IL10RA: variants seen among roughly 807,000 people sequenced by gnomAD.
IL10RA encodes the protein interleukin 10 receptor subunit alpha.
Under a neutral mutation model 29.6 loss-of-function variants are expected in IL10RA, and 18 were observed. The ratio of observed to expected loss-of-function variants is 0.61; its 90% CI spans 0.42 to 0.90. IL10RA has a LOEUF of 0.90. IL10RA is among the 40% of genes least tolerant of loss of function. The pLI is 0.00. For synonymous variants in IL10RA, 292 were observed against 294.1 expected, an observed-to-expected ratio of 0.99 and a Z score of 0.07; for missense variants, 634 against 716.6, an observed-to-expected ratio of 0.88 and a Z score of 1.32.
intron 1 of IL10RA, chr11:117,987,466 A>G (rs2057993750): frequency 6.4e-6 from 1 of 156,348 alleles, no homozygotes; most frequent in African/African-American, 2.4e-5. Context: ...TAGAGAAGTT[A>G]GAACACTAGG....
chr11:117,992,990 T>C (rs2058033237), intron 3 of IL10RA: 1 of 517,220 alleles, frequency 1.9e-6, no homozygotes, highest in Non-Finnish European at 3.5e-6. Flanking sequence ...TTGTTGAAAA[T>C]CAATTGTGGG....
chr11:118,002,333 A>C (rs2512148), downstream of IL10RA: 111,623 of 152,196 alleles, frequency 0.73, 41,455 homozygotes, highest in East Asian at 0.99. Context: ...TGCCTCACCC[A>C]GTTCATTCTG....
At position 117,999,599 on chromosome 11, in the gene IL10RA, G is replaced by T. The variant is rs2058080573; in HGVS notation, c.1695G>T (p.Leu565=). Residue 565 remains leucine (L), a synonymous_variant, in exon 7 of 7, where the codon CTG becomes CTT. Transcript: ENST00000227752. Reference sequence around the variant, plus strand: ...TCCTGGGCAGCTTTAACTCAGACCTGGTCACCCTGCCCCTCATCTCTAGCC... The same window carrying T: ...TCCTGGGCAGCTTTAACTCAGACCTTGTCACCCTGCCCCTCATCTCTAGCC... ...GGLLGSFNSD[L]VTLPLISSLQ... is the part of the protein sequence containing the mutation. The T allele has an allele frequency of 1.9e-6, 3 of 1,614,152 alleles. No homozygotes were observed. The highest frequency in any genetic ancestry group is 2.5e-6 in the Non-Finnish European group (3 of 1,180,018).
rs745901602 is a variant in IL10RA at position 117,995,558 on chromosome 11, A to G, written c.689-31A>G. On this transcript the variant is annotated intron_variant, in intron 5 of 6. Coordinates refer to ENST00000227752, the MANE Select transcript of IL10RA (RefSeq NM_001558.4). ...CAGAATCACCGTGCCCCATGGTGAC[A>G]GGCCACAAACACATCTCTCTGGGCC... 9 of 1,613,608 alleles carry G rather than the reference A, an allele frequency of 5.6e-6. No homozygotes were observed. The South Asian group carries it at 9.9e-5, about 18-fold the overall frequency.
chr11:117,986,615 C>A, intron 1 of IL10RA, 81 bp downstream of exon 1: 2 of 1,543,890 alleles, frequency 1.3e-6, no homozygotes, highest in Non-Finnish European at 1.7e-6. Context: ...AGTGGAGAGC[C>A]CTGGCTGGCT....
intron 6 of IL10RA, among the ~76,000 whole-genome samples, chr11:117,996,602 C>G (rs4252281): frequency 0.027 from 4,106 of 152,310 alleles, 185 homozygotes; most frequent in African/African-American, 0.094. Context: ...ATCTCCAGAG[C>G]GATCCTGGGA....
rs1300745936 is a variant in IL10RA, at chr11:118,000,467, A to G, written c.*826A>G. 6.6e-6 allele frequency: 3 copies of G among 454,070 alleles called. No individual in the cohort carries two copies. The highest frequency in any genetic ancestry group is 1.3e-5 in the Non-Finnish European group (3 of 226,776). 28.1% of individuals were successfully genotyped at this position (454,070 alleles called of 1,614,324 possible). A position where few individuals can be genotyped will look rare whatever the true frequency, so the allele number is the denominator to read the frequency against. Reference sequence around the variant, plus strand: ...CTTGCTGACAACTTCCAGAGAAGCCATGGTTTTTTGTATTGGTCATAACTC... The same window carrying G: ...CTTGCTGACAACTTCCAGAGAAGCCGTGGTTTTTTGTATTGGTCATAACTC... On this transcript the variant is annotated 3_prime_UTR_variant, in exon 7 of 7. Transcript: ENST00000227752.
intron 3 of IL10RA, among the ~76,000 whole-genome samples, chr11:117,990,459 T>G (rs1159020122): frequency 6.6e-6 from 1 of 152,210 alleles, no homozygotes; most frequent in African/African-American, 2.4e-5. Flanking sequence ...TGAAATGGTT[T>G]TTAGGGCATA....
chr11:118,000,004 C>T lies in IL10RA; in HGVS notation c.*363C>T, dbSNP rs2058085040. 2.1e-6 allele frequency: 1 copy of T among 475,922 alleles called. No individual in the cohort carries two copies. The highest frequency in any genetic ancestry group is 2.3e-5 in the Admixed American group (1 of 43,106). The allele number at this position is 475,922 out of a possible 1,614,324, so 29.5% of individuals were successfully genotyped here. On this transcript the variant is annotated 3_prime_UTR_variant, in exon 7 of 7. Transcript: ENST00000227752. Reference sequence around the variant, plus strand: ...GGGCTTTCTGGAGTTGTGGTGAGGCCACCAGGCTGAAGTCAGCTCAGACCC... The same window carrying T: ...GGGCTTTCTGGAGTTGTGGTGAGGCTACCAGGCTGAAGTCAGCTCAGACCC...
intron 6 of IL10RA, among the ~76,000 whole-genome samples, chr11:117,995,961 A>G (rs1468163142): frequency 6.6e-6 from 1 of 152,122 alleles, no homozygotes; most frequent in African/African-American, 2.4e-5. Context: ...AATCTCAATG[A>G]CCACGAGCCA....
At chr11:117,991,197 C>CA (rs552200073) in intron 3 of IL10RA, among the ~76,000 whole-genome samples, 4 of 150,726 alleles carry the variant, frequency 2.7e-5, no homozygotes, top group South Asian at 4.2e-4. Context: ...GACTCTGTCT[C>CA]AAAAAAACAA....
chr11:117,996,631 C>T (rs1279107468), intron 6 of IL10RA, among the ~76,000 whole-genome samples: 2 of 152,250 alleles, frequency 1.3e-5, no homozygotes, highest in Non-Finnish European at 1.5e-5. Context: ...GAAAACAAGA[C>T]GAGAGACAAG....
intron 6 of IL10RA, 118 bp from the exon 7 acceptor site, chr11:117,998,597 A>G (rs2058070840): frequency 1.2e-6 from 1 of 832,636 alleles, no homozygotes; most frequent in Non-Finnish European, 2.0e-6. Context: ...TTCCAGTGTA[A>G]TTTAGACTGT....
chr11:117,993,459 G>A (rs758096870), intron 4 of IL10RA, 49 bp downstream of exon 4: 1 of 1,535,996 alleles, frequency 6.5e-7, no homozygotes, highest in Non-Finnish European at 9.0e-7. Context: ...TGGCTTCCCT[G>A]TCCCCTGGGC....
rs144617778 is a variant in IL10RA, at chr11:118,000,844, G to A, written c.*1203G>A. The A allele has an allele frequency of 2.2e-6, 1 of 454,290 alleles. No homozygotes were observed. Among genetic ancestry groups the A allele is most frequent in the African/African-American group, 2.0e-5 (1 of 50,140 alleles). 28.1% of individuals were successfully genotyped at this position (454,290 alleles called of 1,614,324 possible). The stretch of plus-strand genomic sequence containing the variant: ...CCAGAGGCTAACAGATCCAATGGGA[G>A]TCCATGGTGTCATGCCAAGACAGTA... On this transcript the variant is annotated 3_prime_UTR_variant, in exon 7 of 7. Coordinates refer to ENST00000227752, the MANE Select transcript of IL10RA (RefSeq NM_001558.4).
Position 118,000,847 on chromosome 11 carries a change from C to T in IL10RA, c.*1206C>T, listed in dbSNP as rs892688224. The T allele has an allele frequency of 4.4e-6, 2 of 454,142 alleles. No individual in the cohort carries two copies. Among genetic ancestry groups the T allele is most frequent in the East Asian group, 1.4e-4 (2 of 14,548 alleles). The allele number at this position is 454,142 out of a possible 1,614,324, so 28.1% of individuals were successfully genotyped here. ...GAGGCTAACAGATCCAATGGGAGTC[C>T]ATGGTGTCATGCCAAGACAGTATCA... On this transcript the variant is annotated 3_prime_UTR_variant, in exon 7 of 7. Coordinates refer to ENST00000227752, the MANE Select transcript of IL10RA (RefSeq NM_001558.4).
chr11:117,995,324 G>T, intron 5 of IL10RA: 1 of 515,666 alleles, frequency 1.9e-6, no homozygotes, highest in African/African-American at 1.9e-5. Flanking sequence ...TCACTGTTCT[G>T]TTTGCTGTGA....
rs755621591 is a variant in IL10RA at position 117,999,044 on chromosome 11, C to T, written c.1140C>T (p.Ser380=). The part of the protein sequence containing the change: ...SGICLQEPSL[S]PSTGPTWEQQ... Reference sequence around the variant, plus strand: ...TCTGCCTGCAGGAGCCCAGCCTGAGCCCCAGCACAGGGCCCACCTGGGAGC... The same window carrying T: ...TCTGCCTGCAGGAGCCCAGCCTGAGTCCCAGCACAGGGCCCACCTGGGAGC... The change falls in exon 7 of 7, where the codon AGC becomes AGT. Residue 380 remains serine, a synonymous_variant. Transcript: ENST00000227752. 2.5e-6 allele frequency: 4 copies of T among 1,613,044 alleles called. No individual in the cohort carries two copies. The Admixed American group carries it at 6.7e-5, about 27-fold the overall frequency.
rs1185279086 is a variant in IL10RA, at chr11:117,998,929, C to T, written c.1025C>T (p.Pro342Leu). The change falls in exon 7 of 7, where the codon CCC (proline) becomes CTC (leucine). Residue 342 changes from proline (P) to leucine (L), a missense_variant. Coordinates refer to ENST00000227752, the MANE Select transcript of IL10RA (RefSeq NM_001558.4). ...EPQFLLPDPH[P>L]QADRTLGNRE... is the part of the protein sequence containing the mutation. ...CAGTTCCTCCTCCCTGACCCTCACC[C>T]CCAGGCTGACAGAACGCTGGGAAAC... The T allele has an allele frequency of 1.2e-6, 2 of 1,613,582 alleles. No individual in the cohort carries two copies. The highest frequency in any genetic ancestry group is 2.2e-5 in the East Asian group (1 of 44,886).
Sources: allele counts gnomAD v4.1 joint callset (sites outside exome capture counted in the v4.1 genomes callset), GRCh38; gene constraint gnomAD v4.1.1; transcripts MANE v1.5; gene names NCBI Gene and HGNC (gene_info 2026-07-23, HGNC 2026-07-21).